AUH: variants seen among roughly 807,000 people sequenced by gnomAD.
AUH encodes AU RNA binding methylglutaconyl-CoA hydratase.
AUH carries 29 observed loss-of-function variants against 42.3 expected under a neutral mutation model. The ratio of observed to expected loss-of-function variants is 0.69; its 90% CI spans 0.51 to 0.93. The LOEUF (loss-of-function observed/expected upper bound fraction) is 0.93. Among genes scored for constraint, AUH ranks in the 40% least tolerant of loss-of-function variants. The probability of loss-of-function intolerance (pLI) is 0.00; values close to 1 mark genes in which losing one functional copy is unlikely to be tolerated. For missense variants in AUH, 452 were observed against 438.1 expected (o/e 1.03, Z -0.28); for synonymous variants, 174 against 166.4 (o/e 1.05, Z -0.35).
chr9:91,322,689 G>A (rs1829673695), intron 4 of AUH, among the ~76,000 whole-genome samples: 1 of 152,106 alleles, frequency 6.6e-6, no homozygotes, highest in Admixed American at 6.5e-5. Flanking sequence ...CTCATTCTAT[G>A]AAGACAAATA....
At chr9:91,244,403 C>T in intron 6 of AUH, among the ~76,000 whole-genome samples, 1 of 152,216 alleles carries the variant, frequency 6.6e-6, no homozygotes, top group East Asian at 1.9e-4. Flanking sequence ...TGAATTTGCA[C>T]ATAAACTTAA....
chr9:91,274,390 A>G lies in AUH; in HGVS notation c.655+21631T>C, dbSNP rs10991865. On this transcript the variant is annotated intron_variant, in intron 6 of 9. Coordinates refer to ENST00000375731, the MANE Select transcript of AUH (RefSeq NM_001698.3). ...CATCAATGACCTCATCAGCACTAGC[A>G]AAGAGGTGAAACTGCAAACTGGAAG... Among the ~76,000 whole-genome samples, 1,088 of 152,342 alleles carry G rather than the reference A, an allele frequency of 7.1e-3. 13 individuals carry two copies. Among genetic ancestry groups the G allele is most frequent in the East Asian group, 0.044 (226 of 5,186 alleles).
rs114748260 is a variant in AUH, at chr9:91,279,726, C to T, written c.655+16295G>A. ...AGTCACTTCCCACCAGGCCCCTCCT[C>T]CAACACTGCGGGTCACAATTAACAT... On this transcript the variant is annotated intron_variant, in intron 6 of 9. Transcript: ENST00000375731. Among the ~76,000 whole-genome samples the T allele has an allele frequency of 8.4e-4, 128 of 152,290 alleles. 1 individual carries two copies. Among genetic ancestry groups the T allele is most frequent in the African/African-American group, 2.9e-3 (120 of 41,574 alleles).
chr9:91,353,820 CAAAAAA>C (rs56842895), intron 3 of AUH, among the ~76,000 whole-genome samples: 1 of 27,646 alleles, frequency 3.6e-5, no homozygotes, highest in African/African-American at 1.2e-4. Context: ...GACTCCGTCT[CAAAAAA>C]AAAAAAAAAA....
intron 6 of AUH, among the ~76,000 whole-genome samples, chr9:91,230,740 T>C (rs1184054584): frequency 1.3e-5 from 2 of 152,198 alleles, no homozygotes; most frequent in East Asian, 3.8e-4. Context: ...TTGGTGTGGA[T>C]GTCCTTTCTG....
At chr9:91,237,661 G>A (rs1010270236) in intron 6 of AUH, among the ~76,000 whole-genome samples, 1 of 151,706 alleles carries the variant, frequency 6.6e-6, no homozygotes, top group Non-Finnish European at 1.5e-5. Flanking sequence ...AATCTTTATT[G>A]ATGCTCAAAC....
At chr9:91,304,538 C>T (rs753123620) in intron 4 of AUH, among the ~76,000 whole-genome samples, 14 of 152,164 alleles carry the variant, frequency 9.2e-5, no homozygotes, top group Non-Finnish European at 1.8e-4. Flanking sequence ...CAGAAAGTAC[C>T]TTCCTTAACT....
chr9:91,290,496 T>C (rs1011029931), intron 6 of AUH, among the ~76,000 whole-genome samples: 2 of 152,218 alleles, frequency 1.3e-5, no homozygotes, highest in Non-Finnish European at 2.9e-5. Flanking sequence ...CTGACTTTTA[T>C]GACAAATTTA....
At chr9:91,264,550 T>G (rs1274695245) in intron 6 of AUH, among the ~76,000 whole-genome samples, 3 of 152,210 alleles carry the variant, frequency 2.0e-5, no homozygotes, top group African/African-American at 4.8e-5. Flanking sequence ...CTCTAATTCC[T>G]GAAGGCCAAG....
At position 91,296,038 on chromosome 9, in the gene AUH, G is replaced by A. The variant is rs774105176; in HGVS notation, c.638C>T (p.Ala213Val). 6.8e-6 allele frequency: 11 copies of A among 1,613,878 alleles called. No homozygotes were observed. The highest frequency in any genetic ancestry group is 3.3e-5 in the South Asian group (3 of 91,070). Residue 213 changes from alanine (A) to valine (V), a missense_variant, in exon 6 of 10, where the codon GCG (alanine) becomes GTG (valine). Ala to Val is a moderately conservative substitution (Grantham distance 64). Coordinates refer to ENST00000375731, the MANE Select transcript of AUH (RefSeq NM_001698.3). The stretch of plus-strand genomic sequence containing the variant: ...ACTCATACCTCCACCAGGAATAATC[G>A]CCAATTTTGTTTCAACCAGGCCCAT... ...AKMGLVETKL[A>V]IIPGGGGTQR...
intron 6 of AUH, among the ~76,000 whole-genome samples, chr9:91,224,247 T>C (rs1234407690): frequency 6.6e-6 from 1 of 152,224 alleles, no homozygotes; most frequent in Non-Finnish European, 1.5e-5. Context: ...TGGCCATCCA[T>C]ATATTGTCTT....
At chr9:91,341,732 A>G (rs1241080643) in intron 3 of AUH, among the ~76,000 whole-genome samples, 1 of 152,228 alleles carries the variant, frequency 6.6e-6, no homozygotes, top group Non-Finnish European at 1.5e-5. Context: ...ATGCCAACGA[A>G]AGGAGCTTAT....
chr9:91,264,717 G>A (rs530819038), intron 6 of AUH, among the ~76,000 whole-genome samples: 13 of 152,322 alleles, frequency 8.5e-5, no homozygotes, highest in African/African-American at 3.1e-4. Context: ...AGGAGTTTGA[G>A]ACTGAGAACA....
chr9:91,295,466 A>G (rs1827249222), intron 6 of AUH, among the ~76,000 whole-genome samples: 1 of 152,214 alleles, frequency 6.6e-6, no homozygotes, highest in Non-Finnish European at 1.5e-5. Flanking sequence ...GTAAAATGCT[A>G]TCAAACAGCA....
intron 4 of AUH, among the ~76,000 whole-genome samples, chr9:91,302,138 C>T (rs151291293): frequency 2.0e-5 from 3 of 152,012 alleles, no homozygotes; most frequent in African/African-American, 7.2e-5. Flanking sequence ...GGTTTCTTTA[C>T]ATCTAGTATT....
At chr9:91,222,557 A>G (rs1827193219) in intron 6 of AUH, among the ~76,000 whole-genome samples, 1 of 152,242 alleles carries the variant, frequency 6.6e-6, no homozygotes, top group Admixed American at 6.5e-5. Context: ...TCTGAAGACA[A>G]TGAATTATTG....
At chr9:91,275,433 G>C (rs1183808710) in intron 6 of AUH, among the ~76,000 whole-genome samples, 1 of 152,144 alleles carries the variant, frequency 6.6e-6, no homozygotes, top group Admixed American at 6.5e-5. Context: ...TCTTAGAGGA[G>C]CTCTATGGTG....
intron 4 of AUH, among the ~76,000 whole-genome samples, chr9:91,300,037 C>T (rs193091062): frequency 2.0e-4 from 31 of 152,276 alleles, no homozygotes; most frequent in African/African-American, 6.5e-4. Context: ...TAAGATTGTC[C>T]TATAGCCAGT....
chr9:91,348,296 C>T (rs1454158649), intron 3 of AUH, among the ~76,000 whole-genome samples: 4 of 152,192 alleles, frequency 2.6e-5, no homozygotes, highest in African/African-American at 9.7e-5. Flanking sequence ...GCCTGAAACT[C>T]TCATCCGTTG....
Sources: gnomAD v4.1 joint callset for allele counts (sites outside exome capture counted in the v4.1 genomes callset) on GRCh38, gnomAD v4.1.1 for gene constraint, MANE v1.5 for transcripts, NCBI Gene and HGNC (gene_info 2026-07-23, HGNC 2026-07-21) for gene names.